The following PIK3C2G variants were observed in gnomAD, a reference collection of about 807,000 sequenced individuals.
PIK3C2G encodes phosphatidylinositol-4-phosphate 3-kinase catalytic subunit type 2 gamma, also known as phosphatidylinositol 3-kinase C2 domain-containing subunit gamma.
A neutral mutation model predicts 181.1 loss-of-function variants in PIK3C2G; 168 were observed. The ratio of observed to expected loss-of-function variants is 0.93; its 90% CI spans 0.82 to 1.05. The LOEUF is 1.05. PIK3C2G is among the 50% of genes least tolerant of loss of function. The pLI, the probability that PIK3C2G is intolerant of heterozygous loss-of-function variation, is 0.00. For synonymous variants in PIK3C2G, 573 were observed against 592.2 expected (o/e 0.97, Z 0.47); for missense variants, 1,869 against 1,732.8 (o/e 1.08, Z -1.40).
chr12:18,426,012 C>A (rs576146082), intron 18 of PIK3C2G, among the ~76,000 whole-genome samples: 2 of 152,108 alleles, frequency 1.3e-5, no homozygotes, highest in East Asian at 3.9e-4. Context: ...GTCATCAAGA[C>A]CTTGACTTTG....
At chr12:18,305,209 C>T (rs1438889452) in intron 5 of PIK3C2G, among the ~76,000 whole-genome samples, 1 of 152,168 alleles carries the variant, frequency 6.6e-6, no homozygotes, top group African/African-American at 2.4e-5. Context: ...CAAATGTCCT[C>T]ATATGTAGAT....
intron 24 of PIK3C2G, among the ~76,000 whole-genome samples, chr12:18,520,896 G>T (rs1172124220): frequency 1.3e-5 from 2 of 152,090 alleles, no homozygotes; most frequent in Non-Finnish European, 2.9e-5. Flanking sequence ...TTCGATCTTT[G>T]AGTCTGCTGA....
intron 31 of PIK3C2G, among the ~76,000 whole-genome samples, chr12:18,631,624 A>G (rs1052611618): frequency 6.6e-6 from 1 of 152,222 alleles, no homozygotes; most frequent in Admixed American, 6.5e-5. Context: ...TAGAAGACTA[A>G]AAAGTATTAA....
chr12:18,352,945 G>A (rs1345836568), intron 11 of PIK3C2G, among the ~76,000 whole-genome samples: 4 of 152,204 alleles, frequency 2.6e-5, no homozygotes, highest in African/African-American at 7.2e-5. Context: ...CCCTCTGCCA[G>A]TGGACCCTGG....
At chr12:18,716,448 G>A in the PIK3C2G span, among the ~76,000 whole-genome samples, 1 of 152,174 alleles carries the variant, frequency 6.6e-6, no homozygotes, top group East Asian at 1.9e-4. Flanking sequence ...CCACTTACAT[G>A]TGGAGGCACC....
intron 30 of PIK3C2G, among the ~76,000 whole-genome samples, chr12:18,607,896 A>C (rs1948122170): frequency 6.6e-6 from 1 of 152,176 alleles, no homozygotes; most frequent in South Asian, 2.1e-4. Flanking sequence ...GAAGAATATA[A>C]ATAAGACACT....
At chr12:18,319,430 G>C (rs1002642383) in intron 6 of PIK3C2G, among the ~76,000 whole-genome samples, 3 of 151,750 alleles carry the variant, frequency 2.0e-5, no homozygotes, top group African/African-American at 4.8e-5. Context: ...ACAATTACAG[G>C]AATTTTCCTC....
In PIK3C2G at chr12:18,538,326, G is replaced by GA. The variant is rs537525433; in HGVS notation, c.3480+23dup. The GA allele has an allele frequency of 3.7e-3, 5,434 of 1,469,216 alleles. No homozygotes were observed. Among genetic ancestry groups the GA allele is most frequent in the South Asian group, 5.6e-3 (430 of 76,408 alleles). 91.0% of individuals were successfully genotyped at this position (1,469,216 alleles called of 1,614,324 possible). The stretch of plus-strand genomic sequence containing the variant: ...CTGCTGGAAATGGTAAGTCCCTTGG[G>GA]AAAAAAAAACAAAAATAATAAGCTT... On this transcript the variant is annotated intron_variant, in intron 25 of 32. Transcript: ENST00000538779.
At chr12:18,662,602 A>ATTTTG in the PIK3C2G span, among the ~76,000 whole-genome samples, 3 of 152,134 alleles carry the variant, frequency 2.0e-5, no homozygotes, top group Non-Finnish European at 4.4e-5. Flanking sequence ...GCAGCTATAC[A>ATTTTG]TTTTGTTTTC....
chr12:18,296,155 G>T (rs1270017328), intron 5 of PIK3C2G, among the ~76,000 whole-genome samples: 1 of 152,036 alleles, frequency 6.6e-6, no homozygotes, highest in Non-Finnish European at 1.5e-5. Flanking sequence ...TATTAGTTAA[G>T]ACCCTATATT....
At chr12:18,720,619 T>C in the PIK3C2G span, among the ~76,000 whole-genome samples, 2 of 151,936 alleles carry the variant, frequency 1.3e-5, no homozygotes, top group African/African-American at 4.8e-5. Context: ...CTAAAATTTT[T>C]AGTTGCTATT....
At chr12:18,303,118 C>CTT (rs1437130203) in intron 5 of PIK3C2G, among the ~76,000 whole-genome samples, 3 of 106,426 alleles carry the variant, frequency 2.8e-5, no homozygotes, top group Middle Eastern at 4.4e-3. Context: ...TTCTTTCCTT[C>CTT]TTTCTTTCTT....
chr12:18,335,459 G>A (rs188429918), intron 8 of PIK3C2G, among the ~76,000 whole-genome samples: 1 of 148,564 alleles, frequency 6.7e-6, no homozygotes, highest in Non-Finnish European at 1.5e-5. Context: ...CATGTGGGGA[G>A]TGTGTGTGTG....
chr12:18,451,749 T>A lies in PIK3C2G; in HGVS notation c.2504+27710T>A, dbSNP rs191127681. Among the ~76,000 whole-genome samples the A allele has an allele frequency of 4.6e-5, 7 of 152,328 alleles. No individual in the cohort carries two copies. In the East Asian group the frequency reaches 7.7e-4, roughly 17 times the overall value. Reference sequence around the variant, plus strand: ...CTCTTATTAGTTTATGTTTCATCAATACCTAGTTTATTGAGAGTTTTTAGC... The same window carrying A: ...CTCTTATTAGTTTATGTTTCATCAAAACCTAGTTTATTGAGAGTTTTTAGC... On this transcript the variant is annotated intron_variant, in intron 18 of 32. Transcript: ENST00000538779.
chr12:18,571,839 C>T (rs1476549176), intron 29 of PIK3C2G, among the ~76,000 whole-genome samples: 2 of 150,796 alleles, frequency 1.3e-5, no homozygotes, highest in Non-Finnish European at 2.9e-5. Flanking sequence ...TAATTATTTA[C>T]ACTTGCTACT....
chr12:18,562,217 C>T (rs746133820), intron 26 of PIK3C2G, among the ~76,000 whole-genome samples: 17 of 152,262 alleles, frequency 1.1e-4, no homozygotes, highest in African/African-American at 2.6e-4. Context: ...TTGCAAGCTC[C>T]GCCTCCCGGG....
chr12:18,707,959 A>C, the PIK3C2G span, among the ~76,000 whole-genome samples: 1 of 152,338 alleles, frequency 6.6e-6, no homozygotes, highest in African/African-American at 2.4e-5. Flanking sequence ...ACAGTGAATC[A>C]AATTAACATA....
At chr12:18,605,849 C>T (rs998225926) in intron 30 of PIK3C2G, among the ~76,000 whole-genome samples, 23 of 152,032 alleles carry the variant, frequency 1.5e-4, no homozygotes, top group African/African-American at 3.1e-4. Flanking sequence ...ATAAACCAGG[C>T]GCTTATAAAC....
chr12:18,472,012 A>C (rs930773952), intron 18 of PIK3C2G, among the ~76,000 whole-genome samples: 3 of 152,148 alleles, frequency 2.0e-5, no homozygotes, highest in African/African-American at 7.2e-5. Flanking sequence ...GGCTGTGAGA[A>C]ATTTGGTTCT....
Sources: allele counts gnomAD v4.1 joint callset (sites outside exome capture counted in the v4.1 genomes callset), GRCh38; gene constraint gnomAD v4.1.1; transcripts MANE v1.5; gene names NCBI Gene and HGNC (gene_info 2026-07-23, HGNC 2026-07-21).